Variants in ARHGEF3 observed in about 807,000 individuals in gnomAD.
ARHGEF3 encodes the protein 59.8 kDA protein.
In ARHGEF3, 28 loss-of-function variants were observed where a neutral mutation model predicts 63.2. The observed-to-expected ratio is 0.44, with a 90% confidence interval of 0.33 to 0.61. The LOEUF (loss-of-function observed/expected upper bound fraction) is 0.61, where lower values mean the gene tolerates loss of function less well. Among genes scored for constraint, ARHGEF3 ranks in the 20% least tolerant of loss-of-function variants. The pLI, the probability that ARHGEF3 is intolerant of heterozygous loss-of-function variation, is 0.03. For synonymous variants in ARHGEF3, 266 were observed against 254.2 expected (o/e 1.05, Z -0.44); for missense variants, 533 against 659.3 (o/e 0.81, Z 2.10).
chr3:56,823,986 G>GAAAA (rs5849170), intron 4 of ARHGEF3, among the ~76,000 whole-genome samples: 6 of 126,366 alleles, frequency 4.7e-5, no homozygotes, highest in East Asian at 2.3e-4. Flanking sequence ...TTGAGGAAAG[G>GAAAA]AAAAAAAAAA....
chr3:56,923,551 A>AG (rs2042206324), intron 3 of ARHGEF3, among the ~76,000 whole-genome samples: 1 of 152,094 alleles, frequency 6.6e-6, no homozygotes, highest in African/African-American at 2.4e-5. Flanking sequence ...CTTCCAATAG[A>AG]GAAAAAAAAT....
chr3:56,843,722 C>G (rs1158727383), intron 4 of ARHGEF3, among the ~76,000 whole-genome samples: 1 of 152,042 alleles, frequency 6.6e-6, no homozygotes, highest in Non-Finnish European at 1.5e-5. Flanking sequence ...GTGAAAATAT[C>G]ATGCAATTTG....
At chr3:56,973,838 G>C (rs775553376) in intron 2 of ARHGEF3, among the ~76,000 whole-genome samples, 4 of 152,158 alleles carry the variant, frequency 2.6e-5, no homozygotes, top group South Asian at 2.1e-4. Context: ...AATTGACAGA[G>C]AGCTTAGGTA....
intron 2 of ARHGEF3, among the ~76,000 whole-genome samples, chr3:56,965,104 A>G (rs1434893150): frequency 6.6e-6 from 1 of 152,118 alleles, no homozygotes; most frequent in Non-Finnish European, 1.5e-5. Flanking sequence ...AATTTTTTTT[A>G]ATTAACCAGG....
intron 7 of ARHGEF3, among the ~76,000 whole-genome samples, chr3:56,742,818 C>T (rs150262608): frequency 0.011 from 1,650 of 152,334 alleles, 28 homozygotes; most frequent in African/African-American, 0.038. Flanking sequence ...CAGCTTCATA[C>T]TTTATGCACT....
At chr3:56,808,690 T>G (rs1006005929) in intron 4 of ARHGEF3, among the ~76,000 whole-genome samples, 4 of 152,222 alleles carry the variant, frequency 2.6e-5, no homozygotes, top group African/African-American at 9.6e-5. Flanking sequence ...TGTTTTGCCC[T>G]GAAACATCAT....
intron 2 of ARHGEF3, among the ~76,000 whole-genome samples, chr3:56,966,969 T>C (rs141678936): frequency 5.2e-4 from 79 of 151,060 alleles, no homozygotes; most frequent in South Asian, 1.2e-3. Context: ...GTTCAAGTGA[T>C]TCTCCTACCT....
upstream of ARHGEF3, among the ~76,000 whole-genome samples, chr3:56,806,737 A>C (rs1352833568): frequency 6.6e-6 from 1 of 152,224 alleles, no homozygotes; most frequent in African/African-American, 2.4e-5. Context: ...ACCATCTGTC[A>C]ACTCCTTAAA....
At chr3:57,035,763 G>A (rs1242150430) in intron 1 of ARHGEF3, among the ~76,000 whole-genome samples, 2 of 152,244 alleles carry the variant, frequency 1.3e-5, no homozygotes, top group Non-Finnish European at 2.9e-5. Flanking sequence ...CTTAGGATAT[G>A]AGCAACCTTC....
chr3:56,737,032 T>C (rs2033670030), intron 8 of ARHGEF3, among the ~76,000 whole-genome samples, 153 bp downstream of exon 8: 1 of 152,006 alleles, frequency 6.6e-6, no homozygotes, highest in Non-Finnish European at 1.5e-5. Context: ...AAGGCAGAGG[T>C]TGCAGTGAGC....
At chr3:56,745,487 G>A in intron 6 of ARHGEF3, 25 bp from the exon 7 acceptor site, 1 of 1,608,370 alleles carries the variant, frequency 6.2e-7, no homozygotes, top group Non-Finnish European at 8.5e-7. Context: ...GAAAGAGAAG[G>A]TTGGAATGTC....
intron 2 of ARHGEF3, among the ~76,000 whole-genome samples, chr3:56,981,689 T>G (rs868087767): frequency 2.6e-5 from 4 of 152,168 alleles, no homozygotes; most frequent in Non-Finnish European, 5.9e-5. Flanking sequence ...ACCACCCTCA[T>G]TTAGGGACTG....
intron 3 of ARHGEF3, chr3:56,882,423 A>C (rs1381389088): frequency 1.5e-6 from 2 of 1,320,578 alleles, no homozygotes; most frequent in Non-Finnish European, 2.1e-6. Context: ...AGGCAAGAAA[A>C]AAAGCAATCA....
intron 3 of ARHGEF3, among the ~76,000 whole-genome samples, chr3:56,955,813 A>G (rs540022635): frequency 6.6e-6 from 1 of 152,276 alleles, no homozygotes; most frequent in East Asian, 1.9e-4. Flanking sequence ...CATAATGACA[A>G]TTACAAAGTG....
chr3:57,048,521 C>T (rs1704551956), intron 1 of ARHGEF3, among the ~76,000 whole-genome samples: 1 of 152,110 alleles, frequency 6.6e-6, no homozygotes, highest in Non-Finnish European at 1.5e-5. Flanking sequence ...AATCATTCTT[C>T]TGTGTCCAAG....
At chr3:56,898,883 C>T (rs1235159256) in intron 3 of ARHGEF3, among the ~76,000 whole-genome samples, 4 of 152,046 alleles carry the variant, frequency 2.6e-5, no homozygotes, top group Non-Finnish European at 4.4e-5. Context: ...GGTGAAACCC[C>T]GTCTCTACTA....
upstream of ARHGEF3, among the ~76,000 whole-genome samples, chr3:56,803,219 A>C (rs908115921): frequency 1.3e-5 from 2 of 152,160 alleles, no homozygotes; most frequent in African/African-American, 4.8e-5. Flanking sequence ...CTCATGTTTT[A>C]AAATTTTTTA....
chr3:56,796,258 G>A (rs962530179), intron 1 of ARHGEF3, among the ~76,000 whole-genome samples: 23 of 152,266 alleles, frequency 1.5e-4, no homozygotes, highest in Middle Eastern at 3.4e-3. Flanking sequence ...TTATGAAAAC[G>A]GTGGCATCTG....
chr3:56,891,143 G>A (rs1444938667), intron 3 of ARHGEF3, among the ~76,000 whole-genome samples: 12 of 144,926 alleles, frequency 8.3e-5, no homozygotes, highest in Admixed American at 7.7e-4. Flanking sequence ...GTGAATGAGA[G>A]AATTGAAAGA....
Sources: gnomAD v4.1 joint callset for allele counts (sites outside exome capture counted in the v4.1 genomes callset) on GRCh38, gnomAD v4.1.1 for gene constraint, MANE v1.5 for transcripts, NCBI Gene and HGNC (gene_info 2026-07-23, HGNC 2026-07-21) for gene names.